DNM3: variants seen among roughly 807,000 people sequenced by gnomAD.
The protein encoded by DNM3 is dynamin 3.
In DNM3, 47 loss-of-function variants were observed where a neutral mutation model predicts 101.6. That is an observed-to-expected ratio of 0.46 (90% CI 0.37 to 0.59). The LOEUF (loss-of-function observed/expected upper bound fraction) is 0.59, where lower values mean the gene tolerates loss of function less well. Among genes scored for constraint, DNM3 ranks in the 20% least tolerant of loss-of-function variants. The probability of loss-of-function intolerance (pLI) is 0.00; values close to 1 mark genes in which losing one functional copy is unlikely to be tolerated. For synonymous variants in DNM3, 385 were observed against 387.9 expected, an observed-to-expected ratio of 0.99 and a Z score of 0.09; for missense variants, 849 against 1,085.7, an observed-to-expected ratio of 0.78 and a Z score of 3.06.
chr1:172,280,520 C>G lies in DNM3; in HGVS notation c.1769+26838C>G, dbSNP rs189541286. 5.1e-3 allele frequency among the ~76,000 whole-genome samples: 772 copies of G among 152,254 alleles called. 4 individuals carry two copies. The highest frequency in any genetic ancestry group is 0.017 in the African/African-American group (727 of 41,550). On this transcript the variant is annotated intron_variant, in intron 15 of 20. Transcript: ENST00000627582. ...TTGATTATGAATATGCTACAGCTTA[C>G]TTCTTACTGGATTTTTTCTCTCAGT...
chr1:171,947,333 T>A (rs796670705), intron 2 of DNM3, among the ~76,000 whole-genome samples: 13 of 152,278 alleles, frequency 8.5e-5, no homozygotes, highest in African/African-American at 3.1e-4. Context: ...ATAGGACTTG[T>A]GTTGTCTGCC....
intron 9 of DNM3, among the ~76,000 whole-genome samples, chr1:172,046,433 A>G (rs1006937749): frequency 3.0e-4 from 46 of 152,076 alleles, no homozygotes; most frequent in African/African-American, 1.1e-3. Context: ...GAGGGATAGC[A>G]TTAGGAGATA....
chr1:171,959,457 G>A (rs796111238), intron 2 of DNM3, among the ~76,000 whole-genome samples: 13 of 152,218 alleles, frequency 8.5e-5, no homozygotes, highest in African/African-American at 3.1e-4. Flanking sequence ...GATGAGCTAA[G>A]GTTCTTGAAG....
rs1439965213 is a variant in DNM3 at position 172,280,202 on chromosome 1, C to G, written c.1769+26520C>G. Among the ~76,000 whole-genome samples the G allele has an allele frequency of 3.3e-5, 5 of 152,210 alleles. No individual in the cohort carries two copies. In the East Asian group the frequency reaches 9.7e-4, roughly 29 times the overall value. ...CACCCCCTCAGTTCATGTCTGTTTT[C>G]AAATGCCACCACCTCATTTTCTGAC... On this transcript the variant is annotated intron_variant, in intron 15 of 20. Transcript: ENST00000627582.
At chr1:171,998,759 C>T (rs553042094) in intron 4 of DNM3, among the ~76,000 whole-genome samples, 134 of 152,142 alleles carry the variant, frequency 8.8e-4, no homozygotes, top group Middle Eastern at 3.4e-3. Context: ...CTTAGACAGA[C>T]GGCCTAAGGA....
At chr1:172,208,561 TC>T (rs1299219501) in intron 14 of DNM3, among the ~76,000 whole-genome samples, 1 of 152,100 alleles carries the variant, frequency 6.6e-6, no homozygotes, top group Non-Finnish European at 1.5e-5. Context: ...TTTCTGGGTC[TC>T]CGGCTTTTCA....
At chr1:171,946,528 G>A (rs2042184663) in intron 2 of DNM3, among the ~76,000 whole-genome samples, 1 of 152,110 alleles carries the variant, frequency 6.6e-6, no homozygotes, top group South Asian at 2.1e-4. Flanking sequence ...TGATTGACAG[G>A]CATTCTTTCT....
chr1:172,400,764 A>C (rs1008867186), intron 20 of DNM3, among the ~76,000 whole-genome samples: 1 of 152,180 alleles, frequency 6.6e-6, no homozygotes, highest in East Asian at 1.9e-4. Flanking sequence ...GGGACAAAAC[A>C]AGTCATTTGG....
chr1:172,319,710 A>G (rs1205302351), intron 16 of DNM3, among the ~76,000 whole-genome samples: 1 of 152,226 alleles, frequency 6.6e-6, no homozygotes, highest in Non-Finnish European at 1.5e-5. Context: ...TAGAATGGCA[A>G]TCATTAAAAA....
At chr1:172,098,165 A>G (rs796951995) in intron 13 of DNM3, among the ~76,000 whole-genome samples, 4 of 152,266 alleles carry the variant, frequency 2.6e-5, no homozygotes, top group African/African-American at 9.6e-5. Flanking sequence ...CCTCGTCCTA[A>G]TAAGCCTGGG....
chr1:171,889,734 C>T (rs913349193), intron 1 of DNM3, among the ~76,000 whole-genome samples: 2 of 151,908 alleles, frequency 1.3e-5, no homozygotes, highest in African/African-American at 2.4e-5. Context: ...ATCTAGAAGT[C>T]GGAAGAGAGA....
chr1:172,075,554 A>G (rs1328254287), intron 11 of DNM3, among the ~76,000 whole-genome samples: 2 of 152,142 alleles, frequency 1.3e-5, no homozygotes, highest in Non-Finnish European at 1.5e-5. Context: ...TCCCAACACC[A>G]TTTATTAAAT....
chr1:172,188,081 G>A (rs1474232091), intron 14 of DNM3, among the ~76,000 whole-genome samples: 1 of 152,028 alleles, frequency 6.6e-6, no homozygotes, highest in African/African-American at 2.4e-5. Flanking sequence ...GTATGTGTGT[G>A]TATGTATGTA....
intron 1 of DNM3, among the ~76,000 whole-genome samples, chr1:171,896,712 A>G (rs187144270): frequency 5.9e-5 from 9 of 152,332 alleles, no homozygotes; most frequent in Admixed American, 1.3e-4. Context: ...TTAGTTAGTA[A>G]ATAAACTATG....
At chr1:172,322,385 C>T (rs1337204842) in intron 16 of DNM3, among the ~76,000 whole-genome samples, 1 of 152,210 alleles carries the variant, frequency 6.6e-6, no homozygotes, top group Non-Finnish European at 1.5e-5. Context: ...CGGCCCATAT[C>T]CCATCACGTC....
chr1:172,231,907 GAAAC>G (rs977049452), intron 14 of DNM3, among the ~76,000 whole-genome samples: 23 of 152,080 alleles, frequency 1.5e-4, no homozygotes, highest in African/African-American at 4.8e-4. Context: ...GGAATAGAAA[GAAAC>G]AAACAAAGCC....
intron 14 of DNM3, among the ~76,000 whole-genome samples, chr1:172,147,017 G>T (rs746626748): frequency 6.6e-6 from 1 of 152,108 alleles, no homozygotes; most frequent in African/African-American, 2.4e-5. Flanking sequence ...TCCAGAGACA[G>T]CTATAGAAAT....
Position 172,408,039 on chromosome 1 carries a change from C to T in DNM3, c.*198C>T, listed in dbSNP as rs1036483668. The stretch of plus-strand genomic sequence containing the variant: ...TGGGGTTTGACTCAGAAACTGCTAA[C>T]CTTTTAGAGGCTTTATATGTTGTAC... On this transcript the variant is annotated 3_prime_UTR_variant, in exon 21 of 21. Transcript: ENST00000627582. 4 of 1,428,608 alleles carry T rather than the reference C, an allele frequency of 2.8e-6. No homozygotes were observed. In the African/African-American group the frequency reaches 4.3e-5, roughly 15 times the overall value. 88.5% of individuals were successfully genotyped at this position (1,428,608 alleles called of 1,614,324 possible).
Position 172,232,759 on chromosome 1 carries a change from G to A in DNM3, c.1660-20814G>A, listed in dbSNP as rs1043100454. Among the ~76,000 whole-genome samples the A allele has an allele frequency of 7.2e-4, 110 of 152,282 alleles. 1 individual carries two copies. Among genetic ancestry groups the A allele is most frequent in the Non-Finnish European group, 1.2e-3 (83 of 68,022 alleles). The stretch of plus-strand genomic sequence containing the variant: ...TCACTCAAAACCGCTCAACTACATG[G>A]AAACTGAACAACCTGCTCCTGAATG... On this transcript the variant is annotated intron_variant, in intron 14 of 20. Coordinates refer to ENST00000627582, the MANE Select transcript of DNM3 (RefSeq NM_015569.5).
Sources: gnomAD v4.1 joint callset for allele counts (sites outside exome capture counted in the v4.1 genomes callset) on GRCh38, gnomAD v4.1.1 for gene constraint, MANE v1.5 for transcripts, NCBI Gene and HGNC (gene_info 2026-07-23, HGNC 2026-07-21) for gene names.